The following UBXN7 variants were observed in gnomAD, a reference collection of about 807,000 sequenced individuals.
UBXN7 encodes UBX domain-containing protein 7.
A neutral mutation model predicts 58.0 loss-of-function variants in UBXN7; 9 were observed. The ratio of observed to expected loss-of-function variants is 0.16; its 90% CI spans 0.09 to 0.27. The LOEUF (loss-of-function observed/expected upper bound fraction) is 0.27, where lower values mean the gene tolerates loss of function less well. UBXN7 is among the 10% of genes least tolerant of loss of function. The pLI is 1.00. For missense variants in UBXN7, 328 were observed against 599.6 expected (o/e 0.55, Z 4.73); for synonymous variants, 208 against 205.0 (o/e 1.01, Z -0.12).
intron 10 of UBXN7, among the ~76,000 whole-genome samples, chr3:196,357,770 T>C (rs754942438): frequency 6.6e-6 from 1 of 152,010 alleles, no homozygotes; most frequent in South Asian, 2.1e-4. Flanking sequence ...TGAGGCAGAA[T>C]TGCTTGAACC....
intron 5 of UBXN7, 86 bp from the exon 6 acceptor site, chr3:196,372,128 T>G (rs1728851260): frequency 2.8e-5 from 40 of 1,435,920 alleles, no homozygotes; most frequent in Non-Finnish European, 3.6e-5. Context: ...TTGTTGTCTT[T>G]CATTAAAAAT....
chr3:196,366,804 G>A (rs1038134392), intron 8 of UBXN7, among the ~76,000 whole-genome samples: 3 of 152,158 alleles, frequency 2.0e-5, no homozygotes, highest in South Asian at 2.1e-4. Flanking sequence ...TGGAAGGATC[G>A]CTTGAGCCCA....
intron 10 of UBXN7, among the ~76,000 whole-genome samples, chr3:196,357,948 A>C (rs1220674015): frequency 1.3e-5 from 2 of 151,960 alleles, no homozygotes; most frequent in South Asian, 2.1e-4. Context: ...TGGGAGGAGA[A>C]TGGCTTAAGC....
intron 1 of UBXN7, among the ~76,000 whole-genome samples, chr3:196,428,254 C>CA: frequency 6.6e-6 from 1 of 151,962 alleles, no homozygotes; most frequent in South Asian, 2.1e-4. Context: ...TCTGACCATG[C>CA]AAAAAAGGTT....
At chr3:196,425,893 C>T (rs1730833841) in intron 1 of UBXN7, among the ~76,000 whole-genome samples, 1 of 152,138 alleles carries the variant, frequency 6.6e-6, no homozygotes, top group Admixed American at 6.6e-5. Context: ...TAGCTCCTTA[C>T]CATTCTCTCA....
At chr3:196,411,014 C>CG (rs1307760162) in intron 1 of UBXN7, among the ~76,000 whole-genome samples, 2 of 152,144 alleles carry the variant, frequency 1.3e-5, no homozygotes, top group Admixed American at 1.3e-4. Flanking sequence ...TCCTCCCCAT[C>CG]GTCCCCTCAT....
chr3:196,432,358 C>G lies in UBXN7; in HGVS notation c.42G>C (p.Lys14Asn). ...TGGTGGTGAACTGTTGAATTAACCC[C>G]TTCAGCGCCGAGGACGCCGCGGAGC... ...HGGSAASSAL[K>N]GLIQQFTTIT... The change falls in exon 1 of 11, where the codon AAG becomes AAC. Residue 14 changes from lysine (K) to asparagine (N), a missense_variant. This residue lies in a region of UBXN7 where 106 missense variants were observed against 124.3 expected (regional missense o/e 0.85). Transcript: ENST00000296328. 1.2e-6 allele frequency: 2 copies of G among 1,600,572 alleles called. No individual in the cohort carries two copies. Among genetic ancestry groups the G allele is most frequent in the Non-Finnish European group, 1.7e-6 (2 of 1,170,398 alleles).
At chr3:196,403,460 C>T (rs1730055112) in intron 2 of UBXN7, among the ~76,000 whole-genome samples, 1 of 152,148 alleles carries the variant, frequency 6.6e-6, no homozygotes, top group South Asian at 2.1e-4. Flanking sequence ...CTGCATCCGG[C>T]TGATAAATGA....
chr3:196,427,302 T>C (rs75319660), intron 1 of UBXN7, among the ~76,000 whole-genome samples: 19,069 of 152,236 alleles, frequency 0.13, 1,433 homozygotes, highest in South Asian at 0.19. Flanking sequence ...GGTCTCGCTC[T>C]GTGCTCGCTT....
chr3:196,430,709 C>A (rs901878814), intron 1 of UBXN7, among the ~76,000 whole-genome samples: 1 of 152,078 alleles, frequency 6.6e-6, no homozygotes, highest in Admixed American at 6.6e-5. Context: ...CATAAACCAT[C>A]TCTAGGAAAT....
In UBXN7 at chr3:196,407,352, T is replaced by C; in HGVS notation, c.115A>G (p.Asn39Asp). The C allele has an allele frequency of 6.2e-7, 1 of 1,613,716 alleles. No homozygotes were observed. The highest frequency in any genetic ancestry group is 2.2e-5 in the East Asian group (1 of 44,856). The change falls in exon 2 of 11, where the codon AAC becomes GAC. Residue 39 changes from asparagine to aspartate, a missense_variant. Transcript: ENST00000296328. ...GTGACTGCCATTTCCAGATTATTGT[T>C]GCACGCTTCAAGCATATGTTTTCCT... ...SVGKHMLEACNNNLEMAVTMF... is the reference protein window; with the variant it reads ...SVGKHMLEACDNNLEMAVTMF...
At chr3:196,364,853 C>T (rs1728616393) in intron 8 of UBXN7, among the ~76,000 whole-genome samples, 1 of 151,938 alleles carries the variant, frequency 6.6e-6, no homozygotes, top group East Asian at 1.9e-4. Context: ...CACACCACCA[C>T]ACCCGGCCAA....
intron 1 of UBXN7, among the ~76,000 whole-genome samples, chr3:196,417,988 A>G (rs1363300988): frequency 6.6e-6 from 1 of 152,062 alleles, no homozygotes; most frequent in Non-Finnish European, 1.5e-5. Flanking sequence ...GCAGTTAGCT[A>G]TTAATAAAGA....
At chr3:196,378,835 T>C (rs1729113165) in intron 5 of UBXN7, among the ~76,000 whole-genome samples, 1 of 148,666 alleles carries the variant, frequency 6.7e-6, no homozygotes, top group Non-Finnish European at 1.5e-5. Context: ...TTTAGCCAGC[T>C]TCTTTCCATG....
At chr3:196,423,683 C>T (rs1730592663) in intron 1 of UBXN7, among the ~76,000 whole-genome samples, 1 of 152,120 alleles carries the variant, frequency 6.6e-6, no homozygotes, top group South Asian at 2.1e-4. Flanking sequence ...CCTCCAACCC[C>T]CATCTGACTT....
chr3:196,357,353 G>A lies in UBXN7; in HGVS notation c.1309-507C>T, dbSNP rs765029018. On this transcript the variant is annotated intron_variant, in intron 10 of 10. Transcript: ENST00000296328. ...ACACTGCTTGCATTTCAGTAACACA[G>A]TCTTCAAGAATCAGCCTAATTATCT... 5.3e-5 allele frequency among the ~76,000 whole-genome samples: 8 copies of A among 152,284 alleles called. No homozygotes were observed. In the South Asian group the frequency reaches 1.0e-3, roughly 20 times the overall value.
chr3:196,387,889 T>C (rs957529166), intron 5 of UBXN7, among the ~76,000 whole-genome samples: 1 of 152,122 alleles, frequency 6.6e-6, no homozygotes, highest in Non-Finnish European at 1.5e-5. Context: ...GTGTGGCGAT[T>C]CCTCAAGGAT....
intron 10 of UBXN7, 113 bp downstream of exon 10, chr3:196,361,729 TTA>T (rs1159496096): frequency 2.2e-6 from 2 of 890,270 alleles, no homozygotes; most frequent in Non-Finnish European, 3.5e-6. Flanking sequence ...TACTGCACAC[TTA>T]ATAGACTATG....
chr3:196,402,659 T>C (rs1036661176), intron 3 of UBXN7, among the ~76,000 whole-genome samples: 3 of 152,158 alleles, frequency 2.0e-5, no homozygotes, highest in African/African-American at 4.8e-5. Flanking sequence ...GTCAAGTAGG[T>C]ATCCAGAAAA....
Sources: allele counts gnomAD v4.1 joint callset (sites outside exome capture counted in the v4.1 genomes callset), GRCh38; gene constraint gnomAD v4.1.1; regional missense constraint gnomAD v4.1.1; transcripts MANE v1.5; gene names NCBI Gene and HGNC (gene_info 2026-07-23, HGNC 2026-07-21).